LSM14A: variants seen among roughly 807,000 people sequenced by gnomAD.
LSM14A encodes the protein protein LSM14 homolog A.
Under a neutral mutation model 52.4 loss-of-function variants are expected in LSM14A, and 14 were observed. The observed-to-expected ratio is 0.27, with a 90% CI of 0.18 to 0.42. The LOEUF is 0.42. LSM14A is among the 10% of genes least tolerant of loss of function. The pLI, the probability that LSM14A is intolerant of heterozygous loss-of-function variation, is 1.00. For synonymous variants in LSM14A, 185 were observed against 200.3 expected, an observed-to-expected ratio of 0.92 and a Z score of 0.64; for missense variants, 417 against 581.8, an observed-to-expected ratio of 0.72 and a Z score of 2.91.
At chr19:34,208,335 T>C (rs2071863976) in intron 3 of LSM14A, 1 of 152,152 alleles carries the variant, frequency 6.6e-6, no homozygotes. Context: ...TGTAGAAACT[T>C]AGAGAAGAAA....
intron 3 of LSM14A, among the ~76,000 whole-genome samples, chr19:34,200,420 A>G (rs141852375): frequency 2.7e-4 from 41 of 152,148 alleles, no homozygotes; most frequent in African/African-American, 9.6e-4. Flanking sequence ...GGATTTTGTT[A>G]TTATTGTTAA....
chr19:34,196,344 T>G (rs1389723501), intron 2 of LSM14A, among the ~76,000 whole-genome samples: 2 of 152,216 alleles, frequency 1.3e-5, no homozygotes, highest in Non-Finnish European at 1.5e-5. Context: ...GTTACTTTAC[T>G]TAAGTAACTT....
intron 9 of LSM14A, 114 bp downstream of exon 9, chr19:34,221,852 C>T: frequency 1.4e-6 from 2 of 1,449,958 alleles, no homozygotes; most frequent in Non-Finnish European, 9.1e-7. Context: ...AGAATAACTT[C>T]CATTTTGACT....
rs139653113 is a variant in LSM14A at position 34,214,487 on chromosome 19, T to G, written c.539-637T>G. Among the ~76,000 whole-genome samples the G allele has an allele frequency of 1.5e-3, 225 of 152,112 alleles. 4 individuals are homozygous for G. Among genetic ancestry groups the G allele is most frequent in the Admixed American group, 0.012 (186 of 15,282 alleles). On this transcript the variant is annotated intron_variant, in intron 4 of 9. Coordinates refer to ENST00000544216, the MANE Select transcript of LSM14A (RefSeq NM_015578.4). ...CCACGCCTGGCTAATTTTTGTATTT[T>G]CAGTAGAGACAGGGTTTCGCCATGT...
intron 1 of LSM14A, among the ~76,000 whole-genome samples, chr19:34,192,328 T>TTGTTTG (rs1441049943): frequency 7.9e-6 from 1 of 126,648 alleles, no homozygotes; most frequent in African/African-American, 2.9e-5. Context: ...TGTTTTTTTT[T>TTGTTTG]TTTTTTTTTT....
At chr19:34,205,481 A>G (rs3119817) in intron 3 of LSM14A, among the ~76,000 whole-genome samples, 46,465 of 126,228 alleles carry the variant, frequency 0.37, 8,716 homozygotes, top group African/African-American at 0.42. Flanking sequence ...ACAAGACTCC[A>G]TCTCACAAAA....
chr19:34,180,102 A>G (rs996322083), intron 1 of LSM14A, among the ~76,000 whole-genome samples: 1 of 152,112 alleles, frequency 6.6e-6, no homozygotes, highest in African/African-American at 2.4e-5. Flanking sequence ...TGTTTTTTGT[A>G]GATACAGGGT....
At chr19:34,215,688 T>G in intron 6 of LSM14A, 27 bp downstream of exon 6, 2 of 1,438,206 alleles carry the variant, frequency 1.4e-6, no homozygotes, top group South Asian at 1.2e-5. Flanking sequence ...AAAAGTCATA[T>G]TCTATGCTTC....
rs902770803 is a variant in LSM14A, at chr19:34,229,284, A to G, written c.*1896A>G. On this transcript the variant is annotated 3_prime_UTR_variant, in exon 10 of 10. Coordinates refer to ENST00000544216, the MANE Select transcript of LSM14A (RefSeq NM_015578.4). ...TAAAACAGAATAAAACTGTTCAATAAAAAATGCTCGTCAAAGTTCTTTCTC... is the reference window on the plus strand; with the variant it reads ...TAAAACAGAATAAAACTGTTCAATAGAAAATGCTCGTCAAAGTTCTTTCTC... 3 of 152,240 alleles carry G rather than the reference A, an allele frequency of 2.0e-5. No homozygotes were observed. The East Asian group carries it at 5.8e-4, about 29-fold the overall frequency. The allele number at this position is 152,240 out of a possible 1,614,324, so 9.4% of individuals were successfully genotyped here. A position where few individuals can be genotyped will look rare whatever the true frequency, so the allele number is the denominator to read the frequency against.
intron 3 of LSM14A, among the ~76,000 whole-genome samples, chr19:34,207,016 A>G (rs1285639070): frequency 6.6e-6 from 1 of 152,250 alleles, no homozygotes; most frequent in Non-Finnish European, 1.5e-5. Flanking sequence ...AGACAGTTCA[A>G]TGGAGAGAAA....
chr19:34,199,220 G>C (rs1208306321), intron 3 of LSM14A, among the ~76,000 whole-genome samples: 1 of 151,986 alleles, frequency 6.6e-6, no homozygotes, highest in Admixed American at 6.6e-5. Flanking sequence ...CGCCTCCCAG[G>C]CTCAAGCCAT....
intron 9 of LSM14A, among the ~76,000 whole-genome samples, chr19:34,223,197 C>G (rs1364870024): frequency 6.6e-6 from 1 of 152,150 alleles, no homozygotes; most frequent in Non-Finnish European, 1.5e-5. Context: ...CCTCCCACCT[C>G]AGCCTCCTAT....
intron 5 of LSM14A, 130 bp from the exon 6 acceptor site, chr19:34,215,466 G>T (rs971658938): frequency 2.7e-6 from 3 of 1,095,230 alleles, no homozygotes; most frequent in Non-Finnish European, 4.0e-6. Context: ...GGTGGTGTGG[G>T]TATAGTTTTT....
intron 9 of LSM14A, among the ~76,000 whole-genome samples, chr19:34,222,867 C>T (rs1236343529): frequency 6.6e-6 from 1 of 152,168 alleles, no homozygotes; most frequent in African/African-American, 2.4e-5. Context: ...ATAGCCCTCG[C>T]TTATCACTGT....
At chr19:34,176,465 A>T (rs536418351) in intron 1 of LSM14A, among the ~76,000 whole-genome samples, 1 of 152,304 alleles carries the variant, frequency 6.6e-6, no homozygotes, top group South Asian at 2.1e-4. Flanking sequence ...CATCACAACT[A>T]TCACCATCTT....
At chr19:34,227,308 A>G in intron 9 of LSM14A, 57 bp from the exon 10 acceptor site, 1 of 1,214,248 alleles carries the variant, frequency 8.2e-7, no homozygotes, top group Non-Finnish European at 1.2e-6. Context: ...GCAAAGTAAA[A>G]AGAAAATAAT....
intron 3 of LSM14A, among the ~76,000 whole-genome samples, chr19:34,198,675 A>G (rs1260871300): frequency 6.6e-6 from 1 of 151,200 alleles, no homozygotes; most frequent in East Asian, 2.0e-4. Flanking sequence ...ATGCTATTAC[A>G]TATTAAATTG....
At chr19:34,195,198 CTT>C (rs34828620) in intron 2 of LSM14A, 160 of 137,886 alleles carry the variant, frequency 1.2e-3, no homozygotes, top group Non-Finnish European at 1.6e-3. Flanking sequence ...TTTTCTTTTT[CTT>C]TTTTTTTTTT....
chr19:34,226,347 TCTCC>T, intron 9 of LSM14A: 1 of 1,447,012 alleles, frequency 6.9e-7, no homozygotes, highest in Non-Finnish European at 9.2e-7. Flanking sequence ...TTTTCTCCTT[TCTCC>T]CTCTCCTGTC....
Sources: gnomAD v4.1 joint callset for allele counts (sites outside exome capture counted in the v4.1 genomes callset) on GRCh38, gnomAD v4.1.1 for gene constraint, MANE v1.5 for transcripts, NCBI Gene and HGNC (gene_info 2026-07-23, HGNC 2026-07-21) for gene names.